AAK1: variants seen among roughly 807,000 people sequenced by gnomAD.
AAK1 encodes AP2 associated kinase 1.
In AAK1, 37 loss-of-function variants were observed where a neutral mutation model predicts 116.0. That is an observed-to-expected ratio of 0.32 (90% CI 0.25 to 0.42). The LOEUF is 0.42. AAK1 is among the 10% of genes least tolerant of loss of function. AAK1 has a pLI of 1.00. For missense variants in AAK1, 919 were observed against 1,170.6 expected, an observed-to-expected ratio of 0.79 and a Z score of 3.14; for synonymous variants, 458 against 439.9, an observed-to-expected ratio of 1.04 and a Z score of -0.51.
intron 5 of AAK1, among the ~76,000 whole-genome samples, chr2:69,538,062 T>C (rs1458228353): frequency 1.3e-5 from 2 of 152,216 alleles, no homozygotes; most frequent in African/African-American, 2.4e-5. Flanking sequence ...TCTCCCTCCA[T>C]GCAACCAACC....
chr2:69,521,926 G>A (rs560101708), intron 10 of AAK1, among the ~76,000 whole-genome samples: 217 of 152,360 alleles, frequency 1.4e-3, no homozygotes, highest in Non-Finnish European at 2.6e-3. Flanking sequence ...GAACTGCCAT[G>A]CTGGCCTTGG....
intron 18 of AAK1, 31 bp from the exon 19 acceptor site, chr2:69,480,992 G>C: frequency 6.5e-7 from 1 of 1,536,794 alleles, no homozygotes; most frequent in Non-Finnish European, 8.9e-7. Context: ...GAAGAGGAAA[G>C]GGTAAGGGAA....
At chr2:69,509,131 T>C in intron 14 of AAK1, 100 bp downstream of exon 14, 1 of 965,920 alleles carries the variant, frequency 1.0e-6, no homozygotes, top group Non-Finnish European at 1.6e-6. Context: ...TGTATTTGCA[T>C]TACACACATC....
chr2:69,598,205 A>G, intron 2 of AAK1: 1 of 717,316 alleles, frequency 1.4e-6, no homozygotes, highest in Non-Finnish European at 2.0e-6. Context: ...TTCCATCGAT[A>G]TTTGAAATTT....
chr2:69,598,115 T>G (rs541546915), intron 2 of AAK1: 2 of 1,131,444 alleles, frequency 1.8e-6, no homozygotes, highest in African/African-American at 3.2e-5. Flanking sequence ...TAACATGACC[T>G]TGAAAACCAT....
At position 69,461,216 on chromosome 2, in the gene AAK1, T is replaced by C. The variant is rs1276861641; in HGVS notation, c.*14653A>G. ...CAGTATTCAGTACAGTAACATGCTG[T>C]ACAGGTTTGTAGCCCAGGAGCAACA... On this transcript the variant is annotated 3_prime_UTR_variant, in exon 22 of 22. Transcript: ENST00000409085. 6.3e-6 allele frequency: 1 copy of C among 158,456 alleles called. No homozygotes were observed. Among genetic ancestry groups the C allele is most frequent in the East Asian group, 1.9e-4 (1 of 5,234 alleles). 9.8% of individuals were successfully genotyped at this position (158,456 alleles called of 1,614,324 possible). A position where few individuals can be genotyped will look rare whatever the true frequency, so the allele number is the denominator to read the frequency against.
intron 2 of AAK1, among the ~76,000 whole-genome samples, chr2:69,622,810 A>T (rs1674712901): frequency 6.6e-6 from 1 of 151,746 alleles, no homozygotes; most frequent in South Asian, 2.1e-4. Flanking sequence ...ACCAATCGAC[A>T]CTCCGCATCT....
At chr2:69,553,381 G>C (rs1671255455) in intron 3 of AAK1, among the ~76,000 whole-genome samples, 2 of 148,618 alleles carry the variant, frequency 1.3e-5, no homozygotes, top group African/African-American at 5.0e-5. Context: ...TCAGAATTCT[G>C]TACTCAAACT....
At chr2:69,548,468 T>C (rs1671020165) in intron 3 of AAK1, among the ~76,000 whole-genome samples, 1 of 146,030 alleles carries the variant, frequency 6.8e-6, no homozygotes, top group South Asian at 2.1e-4. Flanking sequence ...TTCTTTTTCT[T>C]TCTTTTTTCC....
At chr2:69,599,011 AGTT>A in intron 2 of AAK1, 1 of 324,744 alleles carries the variant, frequency 3.1e-6, no homozygotes, top group Non-Finnish European at 6.1e-6. Flanking sequence ...AAAGTGTTAA[AGTT>A]GTAGAAAATT....
intron 3 of AAK1, among the ~76,000 whole-genome samples, chr2:69,552,968 A>G (rs983287142): frequency 3.9e-5 from 6 of 152,188 alleles, no homozygotes; most frequent in South Asian, 2.1e-4. Context: ...GAGGTGAGGA[A>G]ATCTGGAATG....
At chr2:69,481,960 C>G (rs1390400203) in intron 18 of AAK1, 2 of 152,274 alleles carry the variant, frequency 1.3e-5, no homozygotes, top group Non-Finnish European at 2.9e-5. Context: ...TGTGCACCCC[C>G]ACACCTGGCT....
intron 5 of AAK1, among the ~76,000 whole-genome samples, chr2:69,536,942 T>C (rs1670498928): frequency 1.3e-5 from 2 of 152,250 alleles, no homozygotes; most frequent in Non-Finnish European, 2.9e-5. Context: ...GAGACATCTA[T>C]GACTCTTTTG....
At chr2:69,499,470 G>A (rs995360021) in intron 16 of AAK1, among the ~76,000 whole-genome samples, 15 of 152,050 alleles carry the variant, frequency 9.9e-5, no homozygotes, top group Admixed American at 2.6e-4. Context: ...TTGATTCTCC[G>A]TATAGATTAG....
Position 69,481,973 on chromosome 2 carries a change from C to T in AAK1, c.2467+738G>A, listed in dbSNP as rs41285957. On this transcript the variant is annotated intron_variant, in intron 18 of 21. Transcript: ENST00000409085. ...GGTGTGCACCCCCACACCTGGCTAA[C>T]TAACAACATTTTTTTTGTAGGGATG... 1,221 of 152,338 alleles carry T rather than the reference C, an allele frequency of 8.0e-3. 22 individuals carry two copies. Among genetic ancestry groups the T allele is most frequent in the South Asian group, 0.045 (215 of 4,806 alleles). The allele number at this position is 152,338 out of a possible 1,614,324, so 9.4% of individuals were successfully genotyped here. A position where few individuals can be genotyped will look rare whatever the true frequency, so the allele number is the denominator to read the frequency against.
intron 5 of AAK1, among the ~76,000 whole-genome samples, chr2:69,540,191 G>A (rs532839487): frequency 1.4e-5 from 2 of 145,054 alleles, no homozygotes; most frequent in South Asian, 2.1e-4. Flanking sequence ...GCACAATCTC[G>A]GCTCACTGCA....
chr2:69,637,701 T>C (rs1357818055), intron 2 of AAK1, among the ~76,000 whole-genome samples: 1 of 152,234 alleles, frequency 6.6e-6, no homozygotes, highest in Non-Finnish European at 1.5e-5. Flanking sequence ...AAGGTGGTAC[T>C]AGTCCCCTTT....
At chr2:69,633,615 A>C (rs997967986) in intron 2 of AAK1, among the ~76,000 whole-genome samples, 2 of 148,738 alleles carry the variant, frequency 1.3e-5, no homozygotes, top group African/African-American at 5.1e-5. Context: ...AAAAAAAAAA[A>C]AACTCAGTAG....
At chr2:69,588,160 A>G (rs1672870881) in intron 2 of AAK1, among the ~76,000 whole-genome samples, 2 of 152,212 alleles carry the variant, frequency 1.3e-5, no homozygotes, top group Non-Finnish European at 2.9e-5. Flanking sequence ...GAGTTCACAT[A>G]TAACATGAGC....
Sources: gnomAD v4.1 joint callset for allele counts (sites outside exome capture counted in the v4.1 genomes callset) on GRCh38, gnomAD v4.1.1 for gene constraint, MANE v1.5 for transcripts, NCBI Gene and HGNC (gene_info 2026-07-23, HGNC 2026-07-21) for gene names.